Variants in XKR9 observed in about 807,000 individuals in gnomAD.
The protein encoded by XKR9 is XK related 9, also known as XK-related protein 9.
Under a neutral mutation model 32.0 loss-of-function variants are expected in XKR9, and 32 were observed. The ratio of observed to expected loss-of-function variants is 1.00; its 90% CI spans 0.76 to 1.34. The LOEUF is 1.34. XKR9 is among the 40% of genes most tolerant of loss of function. XKR9 has a pLI of 0.00. For synonymous variants in XKR9, 168 were observed against 143.4 expected, an observed-to-expected ratio of 1.17 and a Z score of -1.22; for missense variants, 546 against 429.7, an observed-to-expected ratio of 1.27 and a Z score of -2.39.
chr8:70,755,360 A>C (rs1807205671), intron 2 of XKR9, among the ~76,000 whole-genome samples: 1 of 152,210 alleles, frequency 6.6e-6, no homozygotes, highest in Non-Finnish European at 1.5e-5. Flanking sequence ...GCGATTCCTC[A>C]GGGATCTAGA....
intron 4 of XKR9, 76 bp downstream of exon 4, chr8:70,707,229 CT>C: frequency 2.5e-6 from 3 of 1,184,682 alleles, no homozygotes; most frequent in Non-Finnish European, 3.6e-6. Flanking sequence ...CTTTGGCTGA[CT>C]TTAGAAATTT....
chr8:70,737,207 A>G (rs1233762861), downstream of XKR9, among the ~76,000 whole-genome samples: 1 of 146,784 alleles, frequency 6.8e-6, no homozygotes, highest in African/African-American at 2.5e-5. Flanking sequence ...TGGATTCCTA[A>G]GTATTTTATT....
chr8:70,803,091 A>G, the XKR9 span, among the ~76,000 whole-genome samples: 7 of 152,326 alleles, frequency 4.6e-5, no homozygotes, highest in South Asian at 1.2e-3. Flanking sequence ...GGTTGACAGT[A>G]TGACATAGAT....
At chr8:70,955,634 TG>T in the XKR9 span, among the ~76,000 whole-genome samples, 1 of 152,340 alleles carries the variant, frequency 6.6e-6, no homozygotes, top group Non-Finnish European at 1.5e-5. Flanking sequence ...GTGGGGCCAG[TG>T]GCCCCTTTGC....
the XKR9 span, among the ~76,000 whole-genome samples, chr8:71,003,346 C>A: frequency 2.6e-5 from 4 of 152,252 alleles, no homozygotes; most frequent in Admixed American, 2.6e-4. Context: ...TTCAACAATT[C>A]CTTCTTAAAT....
intron 2 of XKR9, among the ~76,000 whole-genome samples, chr8:70,751,071 A>G (rs1271544588): frequency 6.6e-6 from 1 of 152,172 alleles, no homozygotes; most frequent in African/African-American, 2.4e-5. Context: ...GGCTCATGCT[A>G]TGTATAGCTT....
At chr8:70,706,864 T>G in intron 3 of XKR9, 69 bp from the exon 4 acceptor site, 1 of 1,265,296 alleles carries the variant, frequency 7.9e-7, no homozygotes, top group South Asian at 1.5e-5. Flanking sequence ...TTCCAAATTA[T>G]TATGTGTATT....
At chr8:70,898,235 A>G in the XKR9 span, among the ~76,000 whole-genome samples, 2 of 152,212 alleles carry the variant, frequency 1.3e-5, no homozygotes, top group East Asian at 3.9e-4. Context: ...TGTTAAATGT[A>G]TGGATTTGTT....
At chr8:70,786,457 T>C (rs1026965546) in intron 2 of XKR9, among the ~76,000 whole-genome samples, 1 of 152,184 alleles carries the variant, frequency 6.6e-6, no homozygotes, top group East Asian at 1.9e-4. Context: ...TTAGATGCTC[T>C]GATGTTGGGT....
chr8:70,903,650 T>C, the XKR9 span, among the ~76,000 whole-genome samples: 6 of 152,236 alleles, frequency 3.9e-5, no homozygotes, highest in Non-Finnish European at 8.8e-5. Flanking sequence ...AATTCTGCTC[T>C]GATCTTAGTT....
chr8:70,831,222 C>T, the XKR9 span, among the ~76,000 whole-genome samples: 6 of 146,356 alleles, frequency 4.1e-5, no homozygotes, highest in Admixed American at 1.4e-4. Flanking sequence ...ACCTGGGAGA[C>T]GGAGGTTGCA....
intron 2 of XKR9, among the ~76,000 whole-genome samples, chr8:70,748,037 G>A (rs568867192): frequency 3.0e-4 from 46 of 152,246 alleles, no homozygotes; most frequent in African/African-American, 1.1e-3. Flanking sequence ...ACTTGATTTT[G>A]ATGTTGTTAT....
the XKR9 span, among the ~76,000 whole-genome samples, chr8:70,902,031 T>C: frequency 1.4e-4 from 21 of 152,314 alleles, 1 homozygote; most frequent in Admixed American, 1.2e-3. Flanking sequence ...TCTGTTTTGG[T>C]ACCATGCTGT....
the XKR9 span, among the ~76,000 whole-genome samples, chr8:70,801,310 C>T: frequency 6.6e-6 from 1 of 152,226 alleles, no homozygotes; most frequent in South Asian, 2.1e-4. Flanking sequence ...GGACTATACA[C>T]TTCCCTCCTA....
At chr8:70,693,725 T>C (rs529366297) in intron 3 of XKR9, among the ~76,000 whole-genome samples, 1 of 152,008 alleles carries the variant, frequency 6.6e-6, no homozygotes, top group Non-Finnish European at 1.5e-5. Flanking sequence ...AAGCCAGGGG[T>C]TTTCTGTCTG....
intron 3 of XKR9, among the ~76,000 whole-genome samples, chr8:70,703,234 A>C (rs1465293562): frequency 7.1e-6 from 1 of 141,002 alleles, no homozygotes; most frequent in African/African-American, 2.6e-5. Context: ...TGTTTTGTTC[A>C]TTTTTTTTTC....
chr8:71,007,121 G>A, the XKR9 span, among the ~76,000 whole-genome samples: 4 of 152,124 alleles, frequency 2.6e-5, no homozygotes, highest in East Asian at 1.9e-4. Context: ...CAATGTCCGC[G>A]ATTATACCTG....
At chr8:70,727,282 G>T (rs575733674) in intron 4 of XKR9, among the ~76,000 whole-genome samples, 1 of 150,070 alleles carries the variant, frequency 6.7e-6, no homozygotes, top group Non-Finnish European at 1.5e-5. Flanking sequence ...CAATTTAGGG[G>T]AAAATTATAT....
chr8:70,833,385 C>T, the XKR9 span, among the ~76,000 whole-genome samples: 3 of 152,128 alleles, frequency 2.0e-5, no homozygotes, highest in Non-Finnish European at 2.9e-5. Flanking sequence ...ATTTATGTCA[C>T]ATTCCTCATT....
Sources: allele counts gnomAD v4.1 joint callset (sites outside exome capture counted in the v4.1 genomes callset), GRCh38; gene constraint gnomAD v4.1.1; transcripts MANE v1.5; gene names NCBI Gene and HGNC (gene_info 2026-07-23, HGNC 2026-07-21).